ZNG1E: variants seen among roughly 807,000 people sequenced by gnomAD.
ZNG1E encodes zinc-regulated GTPase metalloprotein activator 1E.
the ZNG1E span, among the ~76,000 whole-genome samples, chr9:65,709,922 T>C: frequency 6.6e-6 from 1 of 151,752 alleles, no homozygotes; most frequent in African/African-American, 2.4e-5. Flanking sequence ...CCCTGAGGAA[T>C]CACCACACTG....
chr9:65,654,904 C>T, the ZNG1E span, among the ~76,000 whole-genome samples: 1 of 149,336 alleles, frequency 6.7e-6, no homozygotes, highest in East Asian at 1.9e-4. Flanking sequence ...ATTAATATTG[C>T]CACAGTCCTT....
chr9:65,672,259 A>C, the ZNG1E span, among the ~76,000 whole-genome samples: 44 of 151,838 alleles, frequency 2.9e-4, no homozygotes, highest in South Asian at 9.3e-3. Context: ...GGCTCAAAAC[A>C]TTACTATTGT....
the ZNG1E span, among the ~76,000 whole-genome samples, chr9:65,663,956 A>G: frequency 6.6e-6 from 1 of 152,244 alleles, no homozygotes; most frequent in Non-Finnish European, 1.5e-5. Flanking sequence ...TACATATATC[A>G]GCATACATAT....
chr9:65,728,629 T>C, the ZNG1E span, among the ~76,000 whole-genome samples: 3,708 of 148,260 alleles, frequency 0.025, 209 homozygotes, highest in Non-Finnish European at 0.031. Context: ...AATAGATGGA[T>C]AAATTCCTGG....
chr9:65,683,870 A>T, the ZNG1E span, among the ~76,000 whole-genome samples: 1 of 152,288 alleles, frequency 6.6e-6, no homozygotes, highest in Non-Finnish European at 1.5e-5. Flanking sequence ...GACTTGGACT[A>T]ATATGTTGGC....
the ZNG1E span, among the ~76,000 whole-genome samples, chr9:65,659,494 CAAAAAAAA>C: frequency 0.017 from 1,961 of 113,954 alleles, 9 homozygotes; most frequent in African/African-American, 0.059. Context: ...GACTCCGTCT[CAAAAAAAA>C]AAAAAAAAAA....
At chr9:65,658,614 C>A in the ZNG1E span, among the ~76,000 whole-genome samples, 1 of 151,126 alleles carries the variant, frequency 6.6e-6, no homozygotes, top group Non-Finnish European at 1.5e-5. Context: ...TTAGACCCAT[C>A]CCAAGGCACA....
the ZNG1E span, chr9:65,701,243 ATC>A: frequency 6.7e-6 from 1 of 148,388 alleles, no homozygotes; most frequent in Non-Finnish European, 1.5e-5. Flanking sequence ...TGAATCTGTC[ATC>A]TCAGTTCATA....
At chr9:65,681,285 T>C in the ZNG1E span, among the ~76,000 whole-genome samples, 1 of 152,102 alleles carries the variant, frequency 6.6e-6, no homozygotes, top group Non-Finnish European at 1.5e-5. Context: ...AAGAAAAAAA[T>C]GCCTTCATTA....
chr9:65,695,962 A>G, the ZNG1E span, among the ~76,000 whole-genome samples: 1 of 151,562 alleles, frequency 6.6e-6, no homozygotes, highest in Non-Finnish European at 1.5e-5. Context: ...TTTTTTCTTC[A>G]TTTACTTATA....
the ZNG1E span, among the ~76,000 whole-genome samples, chr9:65,687,411 C>A: frequency 2.7e-5 from 4 of 149,996 alleles, no homozygotes; most frequent in Non-Finnish European, 4.5e-5. Context: ...TTCTTATACA[C>A]TTCATTGATT....
the ZNG1E span, among the ~76,000 whole-genome samples, chr9:65,725,374 A>T: frequency 5.2e-4 from 69 of 133,422 alleles, no homozygotes; most frequent in Non-Finnish European, 8.1e-4. Context: ...AGAACTTTTC[A>T]TCTTGCATGA....
At chr9:65,707,093 C>T in the ZNG1E span, 2 of 91,584 alleles carry the variant, frequency 2.2e-5, no homozygotes, top group Non-Finnish European at 4.3e-5. Flanking sequence ...TCACTGAAAC[C>T]ACTGCCTCCT....
At chr9:65,684,734 G>C in the ZNG1E span, among the ~76,000 whole-genome samples, 3 of 152,150 alleles carry the variant, frequency 2.0e-5, no homozygotes, top group Admixed American at 6.6e-5. Flanking sequence ...CTCTAAGGGA[G>C]GGGGTCAAGC....
chr9:65,713,542 G>A, the ZNG1E span, among the ~76,000 whole-genome samples: 1 of 151,604 alleles, frequency 6.6e-6, no homozygotes, highest in Non-Finnish European at 1.5e-5. Flanking sequence ...CTCTTTTAGG[G>A]CAAGCCTGGT....
chr9:65,654,184 A>G, the ZNG1E span, among the ~76,000 whole-genome samples: 1 of 151,928 alleles, frequency 6.6e-6, no homozygotes, highest in Non-Finnish European at 1.5e-5. Context: ...GGTTTTATCC[A>G]GGACTTTTCC....
At chr9:65,688,052 T>G in the ZNG1E span, among the ~76,000 whole-genome samples, 1 of 151,688 alleles carries the variant, frequency 6.6e-6, no homozygotes, top group African/African-American at 2.4e-5. Flanking sequence ...GTATTCTAAT[T>G]GCTTTGATGT....
At chr9:65,710,454 C>T in the ZNG1E span, among the ~76,000 whole-genome samples, 3 of 150,384 alleles carry the variant, frequency 2.0e-5, no homozygotes, top group Non-Finnish European at 4.4e-5. Flanking sequence ...AATGGTAATG[C>T]CTAGGTTTTC....
chr9:65,657,804 C>G, the ZNG1E span, among the ~76,000 whole-genome samples: 1 of 152,288 alleles, frequency 6.6e-6, no homozygotes, highest in South Asian at 2.1e-4. Flanking sequence ...ACATTGTATA[C>G]TTGCATTAAA....
Sources: allele counts gnomAD v4.1 joint callset (sites outside exome capture counted in the v4.1 genomes callset), GRCh38; gene constraint gnomAD v4.1.1; transcripts MANE v1.5; gene names NCBI Gene and HGNC (gene_info 2026-07-23, HGNC 2026-07-21).